DRC8: variants seen among roughly 807,000 people sequenced by gnomAD.
The protein encoded by DRC8 is dynein regulatory complex subunit 8, also known as dynein regulatory complex protein 8.
At chr1:245,087,915 C>T in the DRC8 span, 3 of 500,462 alleles carry the variant, frequency 6.0e-6, no homozygotes, top group South Asian at 2.6e-4. Flanking sequence ...TTTGCTGATC[C>T]AGCATGTCAC....
chr1:245,022,248 C>T, the DRC8 span, among the ~76,000 whole-genome samples: 13 of 151,494 alleles, frequency 8.6e-5, no homozygotes, highest in South Asian at 1.9e-3. Context: ...TGGGTTCAAG[C>T]GATTCTCCTG....
At chr1:245,087,435 T>C in the DRC8 span, 2 of 1,490,598 alleles carry the variant, frequency 1.3e-6, no homozygotes, top group Non-Finnish European at 1.8e-6. Flanking sequence ...ACATCTTATC[T>C]TAGGATTCCT....
At chr1:245,058,676 A>G in the DRC8 span, among the ~76,000 whole-genome samples, 5 of 152,370 alleles carry the variant, frequency 3.3e-5, no homozygotes, top group East Asian at 5.8e-4. Flanking sequence ...CTTAATATTC[A>G]GAGAGTATTG....
the DRC8 span, among the ~76,000 whole-genome samples, chr1:245,048,124 C>T: frequency 1.3e-5 from 2 of 152,016 alleles, no homozygotes; most frequent in Non-Finnish European, 2.9e-5. Context: ...TTTCGAGTGG[C>T]AGAGGCAGGA....
At chr1:244,972,821 A>C in the DRC8 span, among the ~76,000 whole-genome samples, 1 of 152,018 alleles carries the variant, frequency 6.6e-6, no homozygotes, top group Admixed American at 6.6e-5. Context: ...GTCTCAAAAA[A>C]AAAAAAAAAC....
At chr1:245,105,835 G>C in the DRC8 span, among the ~76,000 whole-genome samples, 156 of 152,196 alleles carry the variant, frequency 1.0e-3, no homozygotes, top group Non-Finnish European at 1.9e-3. Context: ...CCAACACTTT[G>C]GGAGGCCAAG....
At chr1:244,991,028 C>T in the DRC8 span, among the ~76,000 whole-genome samples, 3 of 152,216 alleles carry the variant, frequency 2.0e-5, no homozygotes, top group South Asian at 4.2e-4. Flanking sequence ...CCCACAAGAC[C>T]ATTCCCTAGG....
At chr1:245,042,843 G>C in the DRC8 span, among the ~76,000 whole-genome samples, 9 of 152,208 alleles carry the variant, frequency 5.9e-5, no homozygotes, top group Middle Eastern at 3.4e-3. Context: ...CAATGGCACT[G>C]GCTCCCCCTT....
the DRC8 span, among the ~76,000 whole-genome samples, chr1:245,043,507 G>A: frequency 3.9e-5 from 6 of 152,204 alleles, no homozygotes; most frequent in South Asian, 1.2e-3. Context: ...ATATGGAACA[G>A]TTGATTTTCA....
the DRC8 span, among the ~76,000 whole-genome samples, chr1:245,059,946 G>T: frequency 2.6e-5 from 4 of 152,208 alleles, no homozygotes; most frequent in Non-Finnish European, 5.9e-5. Context: ...ATAAGGCAGT[G>T]GATGAGCAGC....
chr1:244,970,222 G>T, the DRC8 span: 16 of 763,106 alleles, frequency 2.1e-5, no homozygotes, highest in Non-Finnish European at 3.2e-5. Context: ...CCCAGCGCGA[G>T]GGTCGTGGCG....
At chr1:245,020,724 A>G in the DRC8 span, among the ~76,000 whole-genome samples, 2 of 147,150 alleles carry the variant, frequency 1.4e-5, no homozygotes, top group East Asian at 2.0e-4. Context: ...GGTTCAAGCA[A>G]TTCTCCTGCA....
the DRC8 span, chr1:245,002,055 C>G: frequency 1.4e-5 from 18 of 1,289,582 alleles, no homozygotes; most frequent in East Asian, 4.5e-4. Context: ...TTTTTCATCA[C>G]GTAATCACTC....
the DRC8 span, among the ~76,000 whole-genome samples, chr1:245,088,902 T>C: frequency 6.6e-6 from 1 of 152,202 alleles, no homozygotes; most frequent in Admixed American, 6.5e-5. This position sits in a 1 kb window ranked among gnomAD's most constrained non-coding sequence, Gnocchi z 4.6. Context: ...TTGGGGGTCA[T>C]GATGAGAGGT....
chr1:245,039,417 G>A, the DRC8 span, among the ~76,000 whole-genome samples: 1 of 149,278 alleles, frequency 6.7e-6, no homozygotes, highest in Non-Finnish European at 1.5e-5. Context: ...CGAGGCTGCA[G>A]TGAGCTATGA....
chr1:244,981,501 A>G, the DRC8 span, among the ~76,000 whole-genome samples: 74 of 152,228 alleles, frequency 4.9e-4, no homozygotes, highest in African/African-American at 1.7e-3. Context: ...CAATAAATCT[A>G]TGTGGTAGGT....
At chr1:245,111,618 G>T in the DRC8 span, among the ~76,000 whole-genome samples, 1 of 152,170 alleles carries the variant, frequency 6.6e-6, no homozygotes, top group Non-Finnish European at 1.5e-5. Context: ...AAGGCAGCCT[G>T]TTCCTTCTGA....
At chr1:244,998,503 G>A in the DRC8 span, among the ~76,000 whole-genome samples, 3 of 152,136 alleles carry the variant, frequency 2.0e-5, no homozygotes, top group African/African-American at 4.8e-5. Flanking sequence ...GAGCCACTGC[G>A]CCCAGCTCCC....
the DRC8 span, among the ~76,000 whole-genome samples, chr1:245,116,276 C>T: frequency 2.6e-5 from 4 of 151,934 alleles, no homozygotes; most frequent in Admixed American, 6.6e-5. Flanking sequence ...ACTTGGGAGG[C>T]GGAAGTGAAG....
Sources: gnomAD v4.1 joint callset for allele counts (sites outside exome capture counted in the v4.1 genomes callset) on GRCh38, gnomAD v4.1.1 for gene constraint, Gnocchi (gnomAD v3.1) non-coding constraint, MANE v1.5 for transcripts, NCBI Gene and HGNC (gene_info 2026-07-23, HGNC 2026-07-21) for gene names.